The following TJP1 variants were observed in gnomAD, a reference collection of about 807,000 sequenced individuals.
The protein encoded by TJP1 is tight junction protein ZO-1.
A neutral mutation model predicts 194.2 loss-of-function variants in TJP1; 43 were observed. That is an observed-to-expected ratio of 0.22 (90% confidence interval 0.17 to 0.29). The LOEUF (loss-of-function observed/expected upper bound fraction) is 0.29, where lower values mean the gene tolerates loss of function less well. Ranked by LOEUF, TJP1 falls within the 10% of genes least tolerant of loss-of-function variation. TJP1 has a pLI of 1.00. For missense variants in TJP1, 1,971 were observed against 2,185.7 expected (o/e 0.90, Z 1.96); for synonymous variants, 801 against 779.0 (o/e 1.03, Z -0.47).
rs2041487153 is a variant in TJP1 at position 29,700,718 on chromosome 15, T to A, written c.*877A>T. 1 of 241,780 alleles carries A rather than the reference T, an allele frequency of 4.1e-6. No homozygotes were observed. The highest frequency in any genetic ancestry group is 7.4e-6 in the Non-Finnish European group (1 of 136,000). 15.0% of individuals were successfully genotyped at this position (241,780 alleles called of 1,614,324 possible). Reference sequence around the variant, plus strand: ...AGAACAGAAAACCACCACTGCCCCTTGTCAAAAAAAAAAAAAAAGAAAAGA... The same window carrying A: ...AGAACAGAAAACCACCACTGCCCCTAGTCAAAAAAAAAAAAAAAGAAAAGA... On this transcript the variant is annotated 3_prime_UTR_variant, in exon 28 of 28. Transcript: ENST00000614355.
chr15:29,770,807 A>G (rs916065773), intron 4 of TJP1, among the ~76,000 whole-genome samples: 1 of 152,022 alleles, frequency 6.6e-6, no homozygotes, highest in Non-Finnish European at 1.5e-5. Context: ...AAGTTTCAGT[A>G]AGCTAAGGTT....
At chr15:29,796,072 A>G (rs2048381636) in intron 2 of TJP1, among the ~76,000 whole-genome samples, 2 of 147,814 alleles carry the variant, frequency 1.4e-5, no homozygotes, top group South Asian at 4.2e-4. Context: ...GGCATCAACC[A>G]AAAAAAAAAC....
intron 18 of TJP1, among the ~76,000 whole-genome samples, chr15:29,724,843 G>C (rs1251208285): frequency 6.6e-6 from 1 of 152,116 alleles, no homozygotes; most frequent in Non-Finnish European, 1.5e-5. Context: ...TAAAAAGCTA[G>C]AAAGTTGGAC....
chr15:29,769,119 T>C lies in TJP1; in HGVS notation c.313-2577A>G, dbSNP rs547166112. On this transcript the variant is annotated intron_variant, in intron 4 of 27. Transcript: ENST00000614355. Reference sequence around the variant, plus strand: ...CAAAAGCAAAGAGGATAACAACACATGAGGTATGTATGACAAAAGGCTAAT... The same window carrying C: ...CAAAAGCAAAGAGGATAACAACACACGAGGTATGTATGACAAAAGGCTAAT... Among the ~76,000 whole-genome samples the C allele has an allele frequency of 2.0e-5, 3 of 152,050 alleles. No homozygotes were observed. In the East Asian group the frequency reaches 5.8e-4, roughly 29 times the overall value.
intron 24 of TJP1, 87 bp downstream of exon 24, chr15:29,710,744 A>C: frequency 6.5e-7 from 1 of 1,531,276 alleles, no homozygotes; most frequent in Non-Finnish European, 9.0e-7. Context: ...TGTATTTTTT[A>C]ATGTAAAAAC....
chr15:29,929,343 G>A (rs948394777), intron 2 of TJP1, among the ~76,000 whole-genome samples: 1 of 152,134 alleles, frequency 6.6e-6, no homozygotes, highest in Non-Finnish European at 1.5e-5. Flanking sequence ...TACTTAGAGA[G>A]AAATGTAGAG....
chr15:29,778,970 A>G (rs1034196684), intron 2 of TJP1, among the ~76,000 whole-genome samples: 2 of 152,164 alleles, frequency 1.3e-5, no homozygotes, highest in African/African-American at 4.8e-5. Context: ...ATCGAAGGCT[A>G]ACCTGATTAA....
chr15:29,780,237 A>C (rs921180495), intron 2 of TJP1, among the ~76,000 whole-genome samples: 56 of 152,070 alleles, frequency 3.7e-4, no homozygotes, highest in Middle Eastern at 6.8e-3. Flanking sequence ...CACAAAACTC[A>C]CCATATTGTA....
intron 2 of TJP1, among the ~76,000 whole-genome samples, chr15:29,913,885 G>A (rs2054099413): frequency 6.6e-6 from 1 of 152,136 alleles, no homozygotes; most frequent in African/African-American, 2.4e-5. Context: ...AAGTATTTCT[G>A]GCTAAAGAGA....
chr15:29,895,946 G>A lies in TJP1; in HGVS notation c.306+60286C>T, dbSNP rs536672730. ...AGCCCACTCTCTCTTATATAGTGCC[G>A]CCTTCTTCTGTCCTCACGTGATGTA... On this transcript the variant is annotated intron_variant, in intron 2 of 28. Coordinates refer to the TJP1 transcript ENST00000356107. 2.1e-4 allele frequency among the ~76,000 whole-genome samples: 32 copies of A among 152,202 alleles called. 1 individual carries two copies. The highest frequency in any genetic ancestry group is 6.8e-3 in the Middle Eastern group (2 of 294).
chr15:29,824,511 A>T (rs775306092), upstream of TJP1, among the ~76,000 whole-genome samples: 15 of 151,900 alleles, frequency 9.9e-5, no homozygotes, highest in Non-Finnish European at 1.9e-4. Context: ...AGACCAGAGG[A>T]TTCTTTGAGG....
intron 2 of TJP1, among the ~76,000 whole-genome samples, chr15:29,919,280 G>A (rs1787268601): frequency 6.6e-6 from 1 of 152,192 alleles, no homozygotes; most frequent in African/African-American, 2.4e-5. Flanking sequence ...CAGGAACAGG[G>A]GCAGCAGGCC....
intron 2 of TJP1, among the ~76,000 whole-genome samples, chr15:29,910,265 A>G (rs1165988962): frequency 2.0e-5 from 3 of 152,240 alleles, no homozygotes; most frequent in Non-Finnish European, 4.4e-5. Context: ...TTTTCTATGT[A>G]CACTCACTTT....
rs1555434000 is a variant in TJP1 at position 29,833,881 on chromosome 15, A to ATATAT, written c.307-33180_307-33179insATATA. Among the ~76,000 whole-genome samples the ATATAT allele has an allele frequency of 7.1e-4, 9 of 12,618 alleles. 1 individual carries two copies. The highest frequency in any genetic ancestry group is 0.013 in the East Asian group (1 of 78). The allele number at this position is 12,618 out of a possible 152,430, so 8.3% of individuals were successfully genotyped here. ...AGTATATATATATATATATATATAT[A>ATATAT]TTTTTTTTTTTTTTTTTTTTGAGAC... is the stretch of plus-strand genomic sequence containing the variant. On this transcript the variant is annotated intron_variant, in intron 2 of 28. Transcript: ENST00000356107.
chr15:29,767,098 G>A lies in TJP1; in HGVS notation c.313-556C>T, dbSNP rs145460753. Reference sequence around the variant, plus strand: ...ACTTCACCAACACAAACTGCTTTCAGTCTCTGGATCTCTTCAATTTGTACT... The same window carrying A: ...ACTTCACCAACACAAACTGCTTTCAATCTCTGGATCTCTTCAATTTGTACT... On this transcript the variant is annotated intron_variant, in intron 4 of 27. Coordinates refer to ENST00000614355, the MANE Select transcript of TJP1 (RefSeq NM_001330239.4). Among the ~76,000 whole-genome samples, 475 of 152,324 alleles carry A rather than the reference G, an allele frequency of 3.1e-3. 3 individuals are homozygous for A. The highest frequency in any genetic ancestry group is 0.017 in the Middle Eastern group (5 of 294).
chr15:29,732,978 T>A, intron 13 of TJP1, 116 bp downstream of exon 13: 8 of 1,279,816 alleles, frequency 6.3e-6, no homozygotes, highest in Non-Finnish European at 8.6e-6. Flanking sequence ...CAGTTATAGA[T>A]ACGTTGAATA....
At chr15:29,809,614 G>A (rs1595977973) in intron 1 of TJP1, among the ~76,000 whole-genome samples, 2 of 152,170 alleles carry the variant, frequency 1.3e-5, no homozygotes, top group African/African-American at 2.4e-5. Flanking sequence ...GGAGGCCAAC[G>A]GGGGTGGATC....
chr15:29,701,696 G>A lies in TJP1; in HGVS notation c.5213-7C>T. On this transcript the variant is annotated splice_region_variant and splice_polypyrimidine_tract_variant and intron_variant, in intron 27 of 27. Coordinates refer to ENST00000614355, the MANE Select transcript of TJP1 (RefSeq NM_001330239.4). ...TGCCAGGTTTTAGGATCACCTATGA[G>A]AGAAAAGAAGTTGATGTCATTTACA... The A allele has an allele frequency of 2.5e-6, 4 of 1,609,280 alleles. No homozygotes were observed. The highest frequency in any genetic ancestry group is 3.4e-6 in the Non-Finnish European group (4 of 1,175,714).
At chr15:29,804,041 A>C (rs1567061475) in intron 1 of TJP1, among the ~76,000 whole-genome samples, 3 of 151,690 alleles carry the variant, frequency 2.0e-5, no homozygotes, top group Non-Finnish European at 4.4e-5. Flanking sequence ...AAAAAAAAAA[A>C]CAAAAAACAG....
Sources: allele counts gnomAD v4.1 joint callset (sites outside exome capture counted in the v4.1 genomes callset), GRCh38; gene constraint gnomAD v4.1.1; transcripts MANE v1.5; gene names NCBI Gene and HGNC (gene_info 2026-07-23, HGNC 2026-07-21).